Variants in PTK2 observed in about 807,000 individuals in gnomAD.
PTK2 encodes the protein focal adhesion kinase 1.
A neutral mutation model predicts 150.1 loss-of-function variants in PTK2; 45 were observed. That is an observed-to-expected ratio of 0.30 (90% confidence interval 0.24 to 0.38). The LOEUF (loss-of-function observed/expected upper bound fraction) is 0.38. Ranked by LOEUF, PTK2 falls within the 10% of genes least tolerant of loss-of-function variation. PTK2 has a pLI of 1.00. For synonymous variants in PTK2, 432 were observed against 449.2 expected, an observed-to-expected ratio of 0.96 and a Z score of 0.48; for missense variants, 919 against 1,307.3, an observed-to-expected ratio of 0.70 and a Z score of 4.58.
intron 3 of PTK2, among the ~76,000 whole-genome samples, chr8:140,882,576 A>G (rs1417895251): frequency 6.6e-6 from 1 of 152,218 alleles, no homozygotes; most frequent in Non-Finnish European, 1.5e-5. Flanking sequence ...TTAAATTCTC[A>G]TAGTAGACAT....
At chr8:140,769,662 G>T (rs2100074458) in intron 14 of PTK2, 70 bp from the exon 16 acceptor site, 2 of 1,018,308 alleles carry the variant, frequency 2.0e-6, no homozygotes, top group Non-Finnish European at 1.4e-6. Context: ...GGAAGGAGAA[G>T]AGGGAAGAGA....
At chr8:140,683,627 C>T (rs2100018223) in intron 27 of PTK2, among the ~76,000 whole-genome samples, 1 of 152,094 alleles carries the variant, frequency 6.6e-6, no homozygotes, top group African/African-American at 2.4e-5. Flanking sequence ...ACGAATCCAG[C>T]AGCAGCACAA....
chr8:140,756,884 G>A (rs2100066153), intron 16 of PTK2, among the ~76,000 whole-genome samples: 3 of 151,598 alleles, frequency 2.0e-5, no homozygotes, highest in African/African-American at 2.4e-5. Context: ...AGCTACTCGG[G>A]AGGCTGAGGC....
At chr8:140,905,043 AT>A (rs1315875359) in intron 2 of PTK2, among the ~76,000 whole-genome samples, 1 of 152,068 alleles carries the variant, frequency 6.6e-6, no homozygotes, top group African/African-American at 2.4e-5. Context: ...TAGCATTTGA[AT>A]GTGTTTGCTC....
At chr8:140,946,382 C>A (rs374931441) in intron 1 of PTK2, among the ~76,000 whole-genome samples, 14 of 151,920 alleles carry the variant, frequency 9.2e-5, no homozygotes, top group African/African-American at 3.4e-4. Context: ...TAGAACTACA[C>A]GAGGAAGATG....
chr8:140,749,581 G>C (rs1448506328), intron 17 of PTK2, among the ~76,000 whole-genome samples: 1 of 152,188 alleles, frequency 6.6e-6, no homozygotes, highest in Non-Finnish European at 1.5e-5. Flanking sequence ...AGTTTTACTG[G>C]AACATATTCT....
At chr8:140,820,236 G>A (rs1348625346) in intron 8 of PTK2, among the ~76,000 whole-genome samples, 1 of 151,302 alleles carries the variant, frequency 6.6e-6, no homozygotes, top group East Asian at 1.9e-4. Flanking sequence ...GAGTAGCTGG[G>A]ATTACAGGTG....
At chr8:140,703,176 G>A (rs1420209883) in intron 24 of PTK2, among the ~76,000 whole-genome samples, 1 of 152,004 alleles carries the variant, frequency 6.6e-6, no homozygotes, top group Non-Finnish European at 1.5e-5. Context: ...GCTAAGGCAG[G>A]AGAATGAACC....
chr8:140,738,953 A>T (rs201731005), intron 21 of PTK2, 65 bp downstream of exon 24: 12 of 1,080,204 alleles, frequency 1.1e-5, no homozygotes, highest in Admixed American at 1.1e-4. Flanking sequence ...AAAAGAGATA[A>T]TTTTTTTTTG....
chr8:140,716,778 A>T (rs2100039933), intron 23 of PTK2, among the ~76,000 whole-genome samples: 1 of 152,248 alleles, frequency 6.6e-6, no homozygotes, highest in South Asian at 2.1e-4. Flanking sequence ...GTGGTAGTTA[A>T]TAACTACTAA....
chr8:140,820,397 G>A lies in PTK2; in HGVS notation c.649-1377C>T, dbSNP rs368693009. Among the ~76,000 whole-genome samples the A allele has an allele frequency of 6.4e-4, 97 of 151,922 alleles. 1 individual carries two copies. Among genetic ancestry groups the A allele is most frequent in the Admixed American group, 3.7e-3 (56 of 15,264 alleles). On this transcript the variant is annotated intron_variant, in intron 8 of 31. Coordinates refer to ENST00000522684, the Ensembl canonical transcript of PTK2. ...ATTATAGGCATGAGCCACCGCACCC[G>A]GCCTGAATTATGTTTTAACAGGGAT...
At chr8:140,671,926 T>C (rs935170567) in intron 29 of PTK2, among the ~76,000 whole-genome samples, 1 of 128,684 alleles carries the variant, frequency 7.8e-6, no homozygotes, top group Non-Finnish European at 1.6e-5. Flanking sequence ...AGTGAGACTC[T>C]GTCTCAGGGG....
At chr8:140,842,606 C>T (rs749893694) in intron 7 of PTK2, among the ~76,000 whole-genome samples, 39 of 152,074 alleles carry the variant, frequency 2.6e-4, no homozygotes, top group Admixed American at 6.5e-4. Flanking sequence ...AGTCAAGGTG[C>T]GATAAGGACT....
chr8:140,770,622 T>A, intron 14 of PTK2, 94 bp downstream of exon 15: 1 of 450,386 alleles, frequency 2.2e-6, no homozygotes, highest in Non-Finnish European at 3.2e-6. Flanking sequence ...AAAGCTATGA[T>A]CTGTTCAGGA....
At chr8:140,703,707 A>C (rs961994399) in intron 24 of PTK2, among the ~76,000 whole-genome samples, 2 of 152,264 alleles carry the variant, frequency 1.3e-5, no homozygotes, top group African/African-American at 4.8e-5. Flanking sequence ...AACAATGATG[A>C]CTAAGGCAGA....
intron 14 of PTK2, among the ~76,000 whole-genome samples, chr8:140,773,214 A>G (rs2100076522): frequency 6.6e-6 from 1 of 152,232 alleles, no homozygotes; most frequent in Non-Finnish European, 1.5e-5. Flanking sequence ...AAACAAAAAC[A>G]AAAAGGATTA....
chr8:140,917,994 T>C (rs746997541), intron 2 of PTK2, among the ~76,000 whole-genome samples: 2 of 152,222 alleles, frequency 1.3e-5, no homozygotes, highest in African/African-American at 4.8e-5. Flanking sequence ...ACACTAGTCA[T>C]TGATTCATTC....
chr8:140,811,916 T>G (rs1369718808), intron 10 of PTK2, among the ~76,000 whole-genome samples: 1 of 152,166 alleles, frequency 6.6e-6, no homozygotes, highest in African/African-American at 2.4e-5. Context: ...CGGGATTATG[T>G]AAAGAGACCA....
At chr8:140,844,369 G>A (rs568698264) in intron 7 of PTK2, among the ~76,000 whole-genome samples, 1 of 152,266 alleles carries the variant, frequency 6.6e-6, no homozygotes, top group African/African-American at 2.4e-5. Context: ...CACCTCCTTT[G>A]AGAGAGGGTA....
Sources: allele counts gnomAD v4.1 joint callset (sites outside exome capture counted in the v4.1 genomes callset), GRCh38; gene constraint gnomAD v4.1.1; transcripts MANE v1.5; gene names NCBI Gene and HGNC (gene_info 2026-07-23, HGNC 2026-07-21).